Variants in CHCHD6 observed in about 807,000 individuals in gnomAD.
CHCHD6 encodes coiled-coil-helix-coiled-coil-helix domain containing 6.
CHCHD6 carries 28 observed loss-of-function variants against 32.3 expected under a neutral mutation model. The ratio of observed to expected loss-of-function variants is 0.87; its 90% confidence interval spans 0.64 to 1.19. The LOEUF (loss-of-function observed/expected upper bound fraction) is 1.19, where lower values mean the gene tolerates loss of function less well. CHCHD6 is among the 50% of genes most tolerant of loss of function. The pLI, the probability that CHCHD6 is intolerant of heterozygous loss-of-function variation, is 0.00. For missense variants in CHCHD6, 333 were observed against 307.0 expected, an observed-to-expected ratio of 1.08 and a Z score of -0.63; for synonymous variants, 122 against 117.5, an observed-to-expected ratio of 1.04 and a Z score of -0.25.
intron 1 of CHCHD6, among the ~76,000 whole-genome samples, chr3:126,716,770 G>A (rs892619092): frequency 6.6e-6 from 1 of 151,272 alleles, no homozygotes; most frequent in Non-Finnish European, 1.5e-5. Context: ...GTGCTGCAAA[G>A]AAAGCAAAGC....
At chr3:126,738,256 C>T (rs932218459) in intron 4 of CHCHD6, among the ~76,000 whole-genome samples, 1 of 152,142 alleles carries the variant, frequency 6.6e-6, no homozygotes, top group African/African-American at 2.4e-5. Context: ...CACTGTGGAT[C>T]GAAGTCCACA....
intron 4 of CHCHD6, chr3:126,766,685 C>T: frequency 9.0e-7 from 1 of 1,108,680 alleles, no homozygotes; most frequent in Non-Finnish European, 1.4e-6. Flanking sequence ...CTGCTCTTCC[C>T]ACAAGCCAGG....
At chr3:126,781,293 G>T (rs1307990019) in intron 4 of CHCHD6, among the ~76,000 whole-genome samples, 1 of 152,142 alleles carries the variant, frequency 6.6e-6, no homozygotes, top group Non-Finnish European at 1.5e-5. Context: ...AGACATACAC[G>T]CACAGAGGTC....
chr3:126,851,825 A>G (rs143368993), intron 4 of CHCHD6, among the ~76,000 whole-genome samples: 3 of 152,270 alleles, frequency 2.0e-5, no homozygotes, highest in Non-Finnish European at 2.9e-5. Context: ...CTGTACAGCT[A>G]TGCATCCCTT....
intron 4 of CHCHD6, among the ~76,000 whole-genome samples, chr3:126,753,980 C>T (rs769425167): frequency 2.0e-5 from 3 of 152,094 alleles, no homozygotes; most frequent in Admixed American, 6.5e-5. Context: ...CATGTGGAGG[C>T]GGGGGATCCT....
At chr3:126,733,032 C>G (rs766333942) in intron 3 of CHCHD6, 46 bp from the exon 4 acceptor site, 2 of 1,604,738 alleles carry the variant, frequency 1.2e-6, no homozygotes, top group East Asian at 4.5e-5. Flanking sequence ...ATGGGCTGCC[C>G]GTCATGCCAT....
intron 5 of CHCHD6, among the ~76,000 whole-genome samples, chr3:126,856,110 T>A (rs1440404879): frequency 2.6e-5 from 4 of 152,136 alleles, no homozygotes; most frequent in Non-Finnish European, 5.9e-5. Context: ...ACACTAATGA[T>A]GGCTGATGAG....
chr3:126,805,911 A>G (rs994771139), intron 4 of CHCHD6, among the ~76,000 whole-genome samples: 2 of 152,202 alleles, frequency 1.3e-5, no homozygotes, highest in Non-Finnish European at 2.9e-5. Context: ...ATCTACAACT[A>G]TTGATCTTTG....
intron 1 of CHCHD6, among the ~76,000 whole-genome samples, chr3:126,726,123 A>G (rs1427738873): frequency 6.6e-6 from 1 of 152,166 alleles, no homozygotes; most frequent in Non-Finnish European, 1.5e-5. Context: ...CTTCCTCACT[A>G]AGCTTAATCA....
In CHCHD6 at chr3:126,869,391, T is replaced by C. The variant is rs1275901725; in HGVS notation, c.495+16661T>C. On this transcript the variant is annotated intron_variant, in intron 5 of 7. Transcript: ENST00000290913. ...GATTATTTTTATTTTTTACAATTAATTTCAATGGATACATCCAAACTTCTC... is the reference window on the plus strand; with the variant it reads ...GATTATTTTTATTTTTTACAATTAACTTCAATGGATACATCCAAACTTCTC... Among the ~76,000 whole-genome samples, 4 of 151,682 alleles carry C rather than the reference T, an allele frequency of 2.6e-5. No individual in the cohort carries two copies. The East Asian group carries it at 7.7e-4, about 29-fold the overall frequency.
intron 5 of CHCHD6, among the ~76,000 whole-genome samples, chr3:126,896,143 A>G (rs1238237715): frequency 6.6e-6 from 1 of 152,202 alleles, no homozygotes; most frequent in Non-Finnish European, 1.5e-5. Context: ...CTATTTTTAT[A>G]TTAAAGCAAA....
At chr3:126,746,358 G>C (rs1936503552) in intron 4 of CHCHD6, among the ~76,000 whole-genome samples, 2 of 152,180 alleles carry the variant, frequency 1.3e-5, no homozygotes, top group South Asian at 4.1e-4. Context: ...CTCTTCCCCT[G>C]TTGATTGGGT....
intron 5 of CHCHD6, among the ~76,000 whole-genome samples, chr3:126,889,364 C>A (rs115227394): frequency 2.0e-5 from 3 of 152,160 alleles, no homozygotes; most frequent in African/African-American, 7.2e-5. Context: ...GCTTCCATAC[C>A]TGCAGAACTT....
At chr3:126,805,808 A>T (rs1364609183) in intron 4 of CHCHD6, among the ~76,000 whole-genome samples, 16 of 152,334 alleles carry the variant, frequency 1.1e-4, no homozygotes, top group South Asian at 4.1e-4. Context: ...ACTATACTAC[A>T]AGGCTACAGT....
chr3:126,868,142 A>G (rs1942350715), intron 5 of CHCHD6, among the ~76,000 whole-genome samples: 1 of 152,198 alleles, frequency 6.6e-6, no homozygotes, highest in South Asian at 2.1e-4. Flanking sequence ...GGGCTGCCAC[A>G]TGTGGTGGCA....
rs59312431 is a variant in CHCHD6 at position 126,710,462 on chromosome 3, T to C, written c.87+6063T>C. Reference sequence around the variant, plus strand: ...TACGTTTTAGGATAAGTTTGTCAACTTCTGCAAAGAAGCTGACAGGGATTT... The same window carrying C: ...TACGTTTTAGGATAAGTTTGTCAACCTCTGCAAAGAAGCTGACAGGGATTT... On this transcript the variant is annotated intron_variant, in intron 1 of 7. Coordinates refer to ENST00000290913, the MANE Select transcript of CHCHD6 (RefSeq NM_032343.3). 2.7e-3 allele frequency among the ~76,000 whole-genome samples: 416 copies of C among 152,362 alleles called. 3 individuals are homozygous for C. Among genetic ancestry groups the C allele is most frequent in the African/African-American group, 8.9e-3 (370 of 41,578 alleles).
chr3:126,856,736 C>A (rs1174466496), intron 5 of CHCHD6, among the ~76,000 whole-genome samples: 5 of 152,146 alleles, frequency 3.3e-5, no homozygotes, highest in Non-Finnish European at 7.4e-5. Flanking sequence ...ACCCTGAGAG[C>A]CCATGGAGTT....
chr3:126,760,511 T>C (rs940101273), intron 4 of CHCHD6, among the ~76,000 whole-genome samples: 6 of 152,222 alleles, frequency 3.9e-5, no homozygotes, highest in Admixed American at 2.6e-4. Flanking sequence ...CCCATATCTT[T>C]GGTCCTGTCA....
At chr3:126,766,597 T>G in intron 4 of CHCHD6, 1 of 1,187,790 alleles carries the variant, frequency 8.4e-7, no homozygotes, top group Non-Finnish European at 1.3e-6. Flanking sequence ...AGACTTGGGC[T>G]TGTGGTCCCT....
Sources: allele counts gnomAD v4.1 joint callset (sites outside exome capture counted in the v4.1 genomes callset), GRCh38; gene constraint gnomAD v4.1.1; transcripts MANE v1.5; gene names NCBI Gene and HGNC (gene_info 2026-07-23, HGNC 2026-07-21).